The following LRRC37A2 variants were observed in gnomAD, a reference collection of about 807,000 sequenced individuals.
LRRC37A2 encodes leucine rich repeat containing 37 member A2, also known as leucine-rich repeat-containing protein 37A2.
LRRC37A2 carries 9 observed loss-of-function variants against 68.8 expected under a neutral mutation model. The ratio of observed to expected loss-of-function variants is 0.13; its 90% CI spans 0.08 to 0.23. The LOEUF (loss-of-function observed/expected upper bound fraction) is 0.23, where lower values mean the gene tolerates loss of function less well. LRRC37A2 is among the 10% of genes least tolerant of loss of function. The pLI, the probability that LRRC37A2 is intolerant of heterozygous loss-of-function variation, is 1.00. For missense variants in LRRC37A2, 168 were observed against 950.4 expected, an observed-to-expected ratio of 0.18 and a Z score of 10.82; for synonymous variants, 63 against 367.6, an observed-to-expected ratio of 0.17 and a Z score of 9.48.
At chr17:46,803,034 C>T in the LRRC37A2 span, among the ~76,000 whole-genome samples, 1 of 152,150 alleles carries the variant, frequency 6.6e-6, no homozygotes, top group Non-Finnish European at 1.5e-5. Context: ...GGAACTAAGA[C>T]CTCAACCTAT....
At chr17:46,978,984 G>A in the LRRC37A2 span, 2 of 1,444,996 alleles carry the variant, frequency 1.4e-6, no homozygotes, top group Non-Finnish European at 1.8e-6. Context: ...CCAAGCCGCT[G>A]TGGTTCAGGA....
the LRRC37A2 span, among the ~76,000 whole-genome samples, chr17:46,813,347 G>A: frequency 2.6e-5 from 4 of 151,164 alleles, no homozygotes; most frequent in Non-Finnish European, 5.9e-5. Flanking sequence ...AGGTCACAGG[G>A]TCCATTGGTA....
the LRRC37A2 span, chr17:46,931,721 C>A: frequency 2.7e-6 from 1 of 364,816 alleles, no homozygotes; most frequent in African/African-American, 2.1e-5. Context: ...CTCAAAGATG[C>A]CCTTGGGCTT....
the LRRC37A2 span, among the ~76,000 whole-genome samples, chr17:46,996,112 G>A: frequency 9.9e-5 from 15 of 152,118 alleles, no homozygotes; most frequent in African/African-American, 3.6e-4. Context: ...ACTTACCCCT[G>A]TGCCCTTGGC....
At chr17:46,931,645 A>G in the LRRC37A2 span, 9 of 252,730 alleles carry the variant, frequency 3.6e-5, no homozygotes, top group East Asian at 6.9e-4. Context: ...AAATGAAACC[A>G]CCCTTGCCAC....
chr17:46,493,159 CTTT>C, the LRRC37A2 span, among the ~76,000 whole-genome samples: 19 of 92,310 alleles, frequency 2.1e-4, no homozygotes, highest in Non-Finnish European at 2.5e-4. Flanking sequence ...ATACTAAAAT[CTTT>C]TTTTTTTTTT....
chr17:47,034,424 A>T, the LRRC37A2 span, among the ~76,000 whole-genome samples: 1 of 152,064 alleles, frequency 6.6e-6, no homozygotes, highest in African/African-American at 2.4e-5. Context: ...TCCTAATGTC[A>T]GCTGGAGAAG....
the LRRC37A2 span, chr17:46,931,342 C>G: frequency 1.5e-6 from 1 of 687,994 alleles, no homozygotes; most frequent in African/African-American, 1.8e-5. Flanking sequence ...AGAAAAAGCC[C>G]CCTCAAAGGG....
chr17:46,935,344 AAGTACCC>A, the LRRC37A2 span: 2 of 1,471,532 alleles, frequency 1.4e-6, no homozygotes, highest in South Asian at 2.9e-5. Context: ...GTGAGCCTGA[AAGTACCC>A]AGTTCCTTTG....
At chr17:46,945,537 T>C in the LRRC37A2 span, among the ~76,000 whole-genome samples, 1 of 152,196 alleles carries the variant, frequency 6.6e-6, no homozygotes, top group Non-Finnish European at 1.5e-5. Context: ...GTTTCCTGTC[T>C]GTATTCAGCT....
At chr17:46,962,294 A>G in the LRRC37A2 span, among the ~76,000 whole-genome samples, 2 of 150,660 alleles carry the variant, frequency 1.3e-5, no homozygotes, top group South Asian at 4.2e-4. Context: ...GCGCCACTGC[A>G]CTCCAACCTG....
At chr17:46,873,419 G>A in the LRRC37A2 span, among the ~76,000 whole-genome samples, 6 of 152,224 alleles carry the variant, frequency 3.9e-5, 1 homozygote, top group South Asian at 1.0e-3. Context: ...AGTCTGGAAG[G>A]GAGAACACAG....
At chr17:46,772,494 A>C in the LRRC37A2 span, among the ~76,000 whole-genome samples, 1 of 152,238 alleles carries the variant, frequency 6.6e-6, no homozygotes, top group Non-Finnish European at 1.5e-5. Context: ...GGGGCACCGG[A>C]AAGCGCTGAG....
At chr17:47,029,866 C>G in the LRRC37A2 span, among the ~76,000 whole-genome samples, 1 of 152,088 alleles carries the variant, frequency 6.6e-6, no homozygotes, top group East Asian at 1.9e-4. Flanking sequence ...GAGTTCAAGA[C>G]CAGCCTGACC....
the LRRC37A2 span, among the ~76,000 whole-genome samples, chr17:47,025,048 C>T: frequency 3.3e-5 from 5 of 151,776 alleles, no homozygotes; most frequent in South Asian, 2.1e-4. Context: ...TTTTTCTATG[C>T]GGTCTACAAC....
chr17:46,516,136 T>C (rs2051258054), intron 2 of LRRC37A2, among the ~76,000 whole-genome samples: 1 of 148,446 alleles, frequency 6.7e-6, no homozygotes, highest in Non-Finnish European at 1.5e-5. Context: ...CCATCTCTAC[T>C]AAAAATACAG....
the LRRC37A2 span, among the ~76,000 whole-genome samples, chr17:46,816,133 A>T: frequency 2.7e-5 from 1 of 37,582 alleles, no homozygotes; most frequent in Non-Finnish European, 5.9e-5. Context: ...ACACACACTC[A>T]CACACACGCA....
chr17:46,710,079 T>A, the LRRC37A2 span, among the ~76,000 whole-genome samples: 4 of 152,214 alleles, frequency 2.6e-5, no homozygotes, highest in Admixed American at 2.0e-4. Context: ...TTAAAACTAT[T>A]CCATACATCA....
chr17:47,046,177 G>C, the LRRC37A2 span, among the ~76,000 whole-genome samples: 1 of 129,170 alleles, frequency 7.7e-6, no homozygotes, highest in African/African-American at 2.9e-5. Flanking sequence ...AAATACAAAA[G>C]TACAAAAAAA....
Sources: allele counts gnomAD v4.1 joint callset (sites outside exome capture counted in the v4.1 genomes callset), GRCh38; gene constraint gnomAD v4.1.1; transcripts MANE v1.5; gene names NCBI Gene and HGNC (gene_info 2026-07-23, HGNC 2026-07-21).